CSMD1: variants seen among roughly 807,000 people sequenced by gnomAD.
CSMD1 encodes the protein CUB and sushi domain-containing protein 1.
CSMD1 carries 213 observed loss-of-function variants against 417.5 expected under a neutral mutation model. The observed-to-expected ratio is 0.51, with a 90% CI of 0.46 to 0.57. The LOEUF (loss-of-function observed/expected upper bound fraction) is 0.57, where lower values mean the gene tolerates loss of function less well. Among genes scored for constraint, CSMD1 ranks in the 20% least tolerant of loss-of-function variants. The pLI is 0.00. For synonymous variants in CSMD1, 2,862 were observed against 1,736.8 expected, an observed-to-expected ratio of 1.65 and a Z score of -16.11; for missense variants, 6,923 against 4,529.7, an observed-to-expected ratio of 1.53 and a Z score of -15.17.
intron 10 of CSMD1, among the ~76,000 whole-genome samples, chr8:3,523,481 C>G (rs544953167): frequency 1.3e-5 from 2 of 152,106 alleles, no homozygotes; most frequent in Admixed American, 1.3e-4. Flanking sequence ...ATTCGCCCAC[C>G]TGTGGATGGC....
chr8:3,146,988 A>T (rs981245320), intron 40 of CSMD1, among the ~76,000 whole-genome samples: 1 of 152,196 alleles, frequency 6.6e-6, no homozygotes, highest in African/African-American at 2.4e-5. Context: ...GGTGAAAAAC[A>T]TCCCATATAT....
intron 10 of CSMD1, among the ~76,000 whole-genome samples, chr8:3,559,564 G>T (rs1053075342): frequency 2.6e-5 from 4 of 152,114 alleles, no homozygotes; most frequent in African/African-American, 9.7e-5. Context: ...TTGGGTTTTT[G>T]TGTTTATAAA....
chr8:4,094,421 A>C (rs974695888), intron 3 of CSMD1, among the ~76,000 whole-genome samples: 4 of 152,146 alleles, frequency 2.6e-5, no homozygotes, highest in African/African-American at 9.7e-5. Flanking sequence ...CAGGGCGGTC[A>C]GGTGTGTGGA....
At chr8:4,679,931 G>A (rs1337598902) in intron 1 of CSMD1, among the ~76,000 whole-genome samples, 2 of 152,034 alleles carry the variant, frequency 1.3e-5, no homozygotes, top group Admixed American at 6.6e-5. Context: ...CAAATTAATT[G>A]CAAGTTTTTA....
At chr8:4,791,245 T>G (rs979654492) in intron 1 of CSMD1, among the ~76,000 whole-genome samples, 2 of 152,098 alleles carry the variant, frequency 1.3e-5, no homozygotes, top group African/African-American at 4.8e-5. Context: ...TGCCTGGGGT[T>G]GCAGGGGCTT....
chr8:4,085,665 G>C (rs1399592228), intron 3 of CSMD1, among the ~76,000 whole-genome samples: 4 of 152,180 alleles, frequency 2.6e-5, no homozygotes, highest in African/African-American at 4.8e-5. Flanking sequence ...TTTGCATACT[G>C]TGTGATTCCA....
chr8:3,331,036 G>A (rs1387900210), intron 23 of CSMD1, among the ~76,000 whole-genome samples: 1 of 151,942 alleles, frequency 6.6e-6, no homozygotes, highest in South Asian at 2.1e-4. Context: ...GGATCACCAG[G>A]TCAGGATATC....
At position 3,308,303 on chromosome 8, in the gene CSMD1, C is replaced by T. The variant is rs371184822; in HGVS notation, c.3823+9G>A. 4.4e-6 allele frequency: 7 copies of T among 1,593,572 alleles called. No individual in the cohort carries two copies. The highest frequency in any genetic ancestry group is 2.7e-5 in the African/African-American group (2 of 74,584). Reference sequence around the variant, plus strand: ...TTTTGCACAATGGTATGACTGCTTCCACACTCACCTATGCACGAAGGTAGT... The same window carrying T: ...TTTTGCACAATGGTATGACTGCTTCTACACTCACCTATGCACGAAGGTAGT... On this transcript the variant is annotated intron_variant, in intron 24 of 69. Coordinates refer to ENST00000635120, the MANE Select transcript of CSMD1 (RefSeq NM_033225.6).
At position 3,929,747 on chromosome 8, in the gene CSMD1, A is replaced by G. The variant is rs534019470; in HGVS notation, c.818+68156T>C. Among the ~76,000 whole-genome samples the G allele has an allele frequency of 4.1e-4, 61 of 149,456 alleles. 3 individuals are homozygous for G. The highest frequency in any genetic ancestry group is 3.7e-3 in the Admixed American group (55 of 15,024). ...CACAATCTCGGCTCACTGCAACCTC[A>G]GCCTCCTGGATACAAGCAATTCTCC... is the stretch of plus-strand genomic sequence containing the variant. On this transcript the variant is annotated intron_variant, in intron 5 of 69. Transcript: ENST00000635120.
intron 10 of CSMD1, among the ~76,000 whole-genome samples, chr8:3,556,878 C>A (rs965591352): frequency 6.6e-6 from 1 of 152,146 alleles, no homozygotes; most frequent in Non-Finnish European, 1.5e-5. Flanking sequence ...ACACTTCGTA[C>A]TTCACAGGAA....
chr8:3,997,829 T>A lies in CSMD1; in HGVS notation c.818+74A>T, dbSNP rs1045728310. 27 of 1,341,606 alleles carry A rather than the reference T, an allele frequency of 2.0e-5. No homozygotes were observed. In the East Asian group the frequency reaches 6.7e-4, roughly 33 times the overall value. 83.1% of individuals were successfully genotyped at this position (1,341,606 alleles called of 1,614,324 possible). A position where few individuals can be genotyped will look rare whatever the true frequency, so the allele number is the denominator to read the frequency against. ...CCATGAACGTCCAGAGACAAGCAATTCTTGAAGCTCGTTGGGGGAAAAAAC... is the reference window on the plus strand; with the variant it reads ...CCATGAACGTCCAGAGACAAGCAATACTTGAAGCTCGTTGGGGGAAAAAAC... On this transcript the variant is annotated intron_variant, in intron 5 of 69. Coordinates refer to ENST00000635120, the MANE Select transcript of CSMD1 (RefSeq NM_033225.6).
intron 5 of CSMD1, among the ~76,000 whole-genome samples, chr8:3,887,152 A>G (rs1396298866): frequency 1.3e-5 from 2 of 152,152 alleles, no homozygotes; most frequent in African/African-American, 4.8e-5. Context: ...GGATGATGGC[A>G]TGCGTAGAGG....
chr8:4,606,903 A>G (rs1286624062), intron 2 of CSMD1, among the ~76,000 whole-genome samples: 1 of 152,226 alleles, frequency 6.6e-6, no homozygotes, highest in East Asian at 1.9e-4. Flanking sequence ...TCCCCATTAT[A>G]TCAGTATAGC....
At chr8:3,726,220 G>C (rs921746557) in intron 6 of CSMD1, among the ~76,000 whole-genome samples, 11 of 152,140 alleles carry the variant, frequency 7.2e-5, no homozygotes, top group Admixed American at 3.3e-4. Flanking sequence ...GCCCCAGCCA[G>C]CATTGACTGT....
At chr8:4,357,116 G>A (rs1295321174) in intron 3 of CSMD1, among the ~76,000 whole-genome samples, 1 of 152,134 alleles carries the variant, frequency 6.6e-6, no homozygotes, top group African/African-American at 2.4e-5. Flanking sequence ...CTCTGAATTG[G>A]TCATCAAAAC....
At chr8:3,199,873 G>C (rs2116719578) in intron 32 of CSMD1, 64 bp from the exon 33 acceptor site, 1 of 923,022 alleles carries the variant, frequency 1.1e-6, no homozygotes, top group Non-Finnish European at 1.6e-6. Context: ...GTAGTATTTT[G>C]GAAAATGGTG....
Position 4,126,059 on chromosome 8 carries a change from C to T in CSMD1, c.416-93960G>A, listed in dbSNP as rs556094811. ...ACCAAGACTTTTAATCTGGCCCGACCAGTTTTGCCATTGCACCCAGAAACA... is the reference window on the plus strand; with the variant it reads ...ACCAAGACTTTTAATCTGGCCCGACTAGTTTTGCCATTGCACCCAGAAACA... On this transcript the variant is annotated intron_variant, in intron 3 of 69. Coordinates refer to ENST00000635120, the MANE Select transcript of CSMD1 (RefSeq NM_033225.6). 2.6e-5 allele frequency among the ~76,000 whole-genome samples: 4 copies of T among 151,998 alleles called. No individual in the cohort carries two copies. In the East Asian group the frequency reaches 5.8e-4, roughly 22 times the overall value.
At chr8:4,344,458 C>T (rs1050993800) in intron 3 of CSMD1, among the ~76,000 whole-genome samples, 2 of 151,886 alleles carry the variant, frequency 1.3e-5, no homozygotes, top group African/African-American at 4.8e-5. Context: ...AAGATGCATT[C>T]TTTTACAAAT....
chr8:4,089,637 T>C (rs1223971932), intron 3 of CSMD1, among the ~76,000 whole-genome samples: 1 of 152,212 alleles, frequency 6.6e-6, no homozygotes, highest in Non-Finnish European at 1.5e-5. Context: ...TTCTAAGGAA[T>C]AAGTGAAGAA....
Sources: allele counts gnomAD v4.1 joint callset (sites outside exome capture counted in the v4.1 genomes callset), GRCh38; gene constraint gnomAD v4.1.1; transcripts MANE v1.5; gene names NCBI Gene and HGNC (gene_info 2026-07-23, HGNC 2026-07-21).